CADM2: variants seen among roughly 807,000 people sequenced by gnomAD.
CADM2 encodes the protein immunoglobulin superfamily member 4D.
Under a neutral mutation model 49.8 loss-of-function variants are expected in CADM2, and 12 were observed. The observed-to-expected ratio is 0.24, with a 90% CI of 0.15 to 0.39. CADM2 has a LOEUF of 0.39. Ranked by LOEUF, CADM2 falls within the 10% of genes least tolerant of loss-of-function variation. The pLI, the probability that CADM2 is intolerant of heterozygous loss-of-function variation, is 1.00. For synonymous variants in CADM2, 214 were observed against 175.4 expected (o/e 1.22, Z -1.74); for missense variants, 378 against 492.3 (o/e 0.77, Z 2.20).
chr3:84,977,232 TG>T (rs1384940351), intron 1 of CADM2, among the ~76,000 whole-genome samples: 2 of 152,012 alleles, frequency 1.3e-5, no homozygotes, highest in Non-Finnish European at 2.9e-5. Flanking sequence ...CAAGGTTTGA[TG>T]GACCCAGTGG....
intron 8 of CADM2, among the ~76,000 whole-genome samples, chr3:85,984,355 T>G (rs946279338): frequency 6.6e-6 from 1 of 151,496 alleles, no homozygotes; most frequent in Admixed American, 6.6e-5. Context: ...AACGTTCTCA[T>G]TTTTATCATA....
chr3:85,962,252 A>G (rs534583110), intron 8 of CADM2, among the ~76,000 whole-genome samples: 3 of 152,110 alleles, frequency 2.0e-5, no homozygotes, highest in African/African-American at 4.8e-5. Flanking sequence ...AAATGTGTTC[A>G]CTTATAATCC....
At chr3:85,543,420 A>ATGTGTGTGGGGGTGTGTGTGTGTGTGGG (rs372108050) in intron 1 of CADM2, among the ~76,000 whole-genome samples, 10,007 of 129,544 alleles carry the variant, frequency 0.077, 613 homozygotes, top group Non-Finnish European at 0.11. Context: ...TGCCAAGCTA[A>ATGTGTGTGGGGGTGTGTGTGTGTGTGGG]TGTGTGTGTG....
At chr3:85,273,090 A>G (rs577875732) in intron 1 of CADM2, among the ~76,000 whole-genome samples, 2 of 151,306 alleles carry the variant, frequency 1.3e-5, no homozygotes, top group African/African-American at 2.4e-5. Flanking sequence ...TAACATGAAT[A>G]CTGGGGAAAA....
chr3:85,983,565 T>G (rs888910133), intron 8 of CADM2, among the ~76,000 whole-genome samples: 3 of 151,720 alleles, frequency 2.0e-5, no homozygotes, highest in Non-Finnish European at 2.9e-5. Flanking sequence ...AGAATTATTT[T>G]TTCAGTTCGT....
chr3:85,898,943 A>G (rs1559729767), intron 5 of CADM2, among the ~76,000 whole-genome samples: 5 of 51,790 alleles, frequency 9.7e-5, no homozygotes, highest in Non-Finnish European at 1.4e-4. Context: ...TTGTGTATAT[A>G]TATATATATA....
intron 8 of CADM2, among the ~76,000 whole-genome samples, chr3:86,018,852 C>A (rs1307429084): frequency 2.7e-5 from 4 of 150,884 alleles, no homozygotes; most frequent in Non-Finnish European, 2.9e-5. Context: ...ATGGTAGTTT[C>A]TTTTGCTGTG....
chr3:85,757,163 G>T (rs9876664), intron 2 of CADM2, among the ~76,000 whole-genome samples: 61,930 of 151,852 alleles, frequency 0.41, 13,346 homozygotes, highest in East Asian at 0.76. Context: ...TATAAGCCTA[G>T]ACTTAGATAC....
chr3:85,933,274 T>C (rs1266945269), intron 6 of CADM2, among the ~76,000 whole-genome samples: 1 of 150,606 alleles, frequency 6.6e-6, no homozygotes, highest in Non-Finnish European at 1.5e-5. Context: ...TAAATAAATA[T>C]TCCATCAATA....
At chr3:85,422,313 T>C (rs187344539) in intron 1 of CADM2, among the ~76,000 whole-genome samples, 4 of 152,296 alleles carry the variant, frequency 2.6e-5, no homozygotes, top group Admixed American at 2.6e-4. Flanking sequence ...ACAGAGTCTC[T>C]GTCGCCCAGG....
At chr3:85,155,394 C>A (rs1186777219) in intron 1 of CADM2, among the ~76,000 whole-genome samples, 2 of 151,958 alleles carry the variant, frequency 1.3e-5, no homozygotes, top group African/African-American at 4.8e-5. Context: ...AGCTAACTAT[C>A]CTAACTATAT....
intron 1 of CADM2, among the ~76,000 whole-genome samples, chr3:85,489,059 G>A (rs1464200169): frequency 1.3e-5 from 2 of 151,888 alleles, no homozygotes; most frequent in African/African-American, 4.8e-5. Context: ...TCCTACCCAA[G>A]TGTCACATCT....
intron 2 of CADM2, among the ~76,000 whole-genome samples, chr3:85,758,385 C>T (rs2069217500): frequency 6.6e-6 from 1 of 152,072 alleles, no homozygotes; most frequent in African/African-American, 2.4e-5. Context: ...CAATGAGAAA[C>T]ATGACTAGCA....
At chr3:85,674,399 A>C (rs1163748533) in intron 1 of CADM2, among the ~76,000 whole-genome samples, 1 of 152,038 alleles carries the variant, frequency 6.6e-6, no homozygotes, top group African/African-American at 2.4e-5. Context: ...TTTGGTTTTA[A>C]ATTTGAGCTA....
chr3:85,632,191 T>C (rs1259643002), intron 1 of CADM2, among the ~76,000 whole-genome samples: 1 of 150,588 alleles, frequency 6.6e-6, no homozygotes, highest in East Asian at 2.0e-4. Context: ...TGAAATCTAA[T>C]GGTTTTAAAA....
chr3:85,026,088 A>G (rs906175086), intron 1 of CADM2, among the ~76,000 whole-genome samples: 5 of 152,204 alleles, frequency 3.3e-5, no homozygotes, highest in South Asian at 4.1e-4. Context: ...TTTTAAGTCA[A>G]ACTCAAGACT....
At chr3:85,898,970 T>A (rs1414635121) in intron 5 of CADM2, among the ~76,000 whole-genome samples, 5 of 98,240 alleles carry the variant, frequency 5.1e-5, no homozygotes, top group Admixed American at 1.1e-4. Flanking sequence ...TTTTTTTTTT[T>A]TTTTTTTTTT....
chr3:85,064,574 A>G (rs2036454843), intron 1 of CADM2, among the ~76,000 whole-genome samples: 1 of 151,972 alleles, frequency 6.6e-6, no homozygotes, highest in African/African-American at 2.4e-5. Flanking sequence ...CATAGTCACT[A>G]TTTTTTTGAA....
intron 1 of CADM2, among the ~76,000 whole-genome samples, chr3:85,655,589 T>G (rs377616923): frequency 6.6e-6 from 1 of 152,312 alleles, no homozygotes; most frequent in Non-Finnish European, 1.5e-5. Context: ...AACGATTTGT[T>G]AAAGTTCTCA....
Sources: allele counts gnomAD v4.1 joint callset (sites outside exome capture counted in the v4.1 genomes callset), GRCh38; gene constraint gnomAD v4.1.1; transcripts MANE v1.5; gene names NCBI Gene and HGNC (gene_info 2026-07-23, HGNC 2026-07-21).